The following LRRC4C variants were observed in gnomAD, a reference collection of about 807,000 sequenced individuals.
LRRC4C encodes the protein leucine rich repeat containing 4C, also known as leucine-rich repeat-containing protein 4C.
Under a neutral mutation model 33.6 loss-of-function variants are expected in LRRC4C, and 5 were observed. That is an observed-to-expected ratio of 0.15 (90% CI 0.08 to 0.31). The LOEUF (loss-of-function observed/expected upper bound fraction) is 0.31, where lower values mean the gene tolerates loss of function less well. Ranked by LOEUF, LRRC4C falls within the 10% of genes least tolerant of loss-of-function variation. LRRC4C has a pLI of 1.00. For synonymous variants in LRRC4C, 329 were observed against 302.0 expected, an observed-to-expected ratio of 1.09 and a Z score of -0.93; for missense variants, 560 against 796.7, an observed-to-expected ratio of 0.70 and a Z score of 3.58.
chr11:40,804,465 T>C (rs1386419181), intron 2 of LRRC4C, among the ~76,000 whole-genome samples: 1 of 152,220 alleles, frequency 6.6e-6, no homozygotes, highest in African/African-American at 2.4e-5. Context: ...ATTGAAGTAG[T>C]TTCATAACCA....
chr11:40,976,929 T>A (rs1243869661), intron 1 of LRRC4C, among the ~76,000 whole-genome samples: 1 of 152,088 alleles, frequency 6.6e-6, no homozygotes, highest in East Asian at 1.9e-4. Context: ...CTAATATTAT[T>A]ACATAGTAAT....
intron 4 of LRRC4C, among the ~76,000 whole-genome samples, chr11:40,261,197 T>C (rs1941796735): frequency 6.6e-6 from 1 of 152,158 alleles, no homozygotes. Context: ...CTGAAAACAA[T>C]TCTTTTAAAA....
chr11:40,404,667 A>G (rs1357241361), intron 3 of LRRC4C, among the ~76,000 whole-genome samples: 2 of 151,784 alleles, frequency 1.3e-5, no homozygotes, highest in Non-Finnish European at 2.9e-5. Context: ...CCTCCAATTC[A>G]TCCTTCACTC....
intron 5 of LRRC4C, among the ~76,000 whole-genome samples, chr11:40,194,667 G>A (rs1183926850): frequency 6.6e-6 from 1 of 152,142 alleles, no homozygotes; most frequent in Non-Finnish European, 1.5e-5. Context: ...AATACCTAAT[G>A]TAGATGACAG....
At chr11:40,992,562 A>G (rs1205553616) in intron 1 of LRRC4C, among the ~76,000 whole-genome samples, 1 of 152,060 alleles carries the variant, frequency 6.6e-6, no homozygotes, top group Non-Finnish European at 1.5e-5. Flanking sequence ...TTGGCTGAAT[A>G]TATCCAGTGA....
intron 3 of LRRC4C, among the ~76,000 whole-genome samples, chr11:40,626,655 T>C (rs1185294623): frequency 2.0e-5 from 3 of 152,214 alleles, no homozygotes; most frequent in Admixed American, 6.5e-5. Flanking sequence ...ATCTGGGTCC[T>C]AAAACTTTGT....
At chr11:40,489,756 C>G (rs1467907477) in intron 3 of LRRC4C, among the ~76,000 whole-genome samples, 1 of 152,058 alleles carries the variant, frequency 6.6e-6, no homozygotes, top group Non-Finnish European at 1.5e-5. Context: ...AGGTCAGCTC[C>G]CATTTACTAT....
intron 4 of LRRC4C, among the ~76,000 whole-genome samples, chr11:40,272,031 A>G (rs1189330571): frequency 2.0e-5 from 3 of 152,156 alleles, no homozygotes; most frequent in East Asian, 3.9e-4. Context: ...TGATACATCA[A>G]TCCATATCTG....
chr11:41,115,676 A>T (rs1487083), intron 1 of LRRC4C, among the ~76,000 whole-genome samples: 35,603 of 151,826 alleles, frequency 0.23, 4,444 homozygotes, highest in East Asian at 0.33. Flanking sequence ...GAAATACCTC[A>T]ATGTTTTAGG....
chr11:40,540,931 C>T (rs1227542679), intron 3 of LRRC4C, among the ~76,000 whole-genome samples: 1 of 152,086 alleles, frequency 6.6e-6, no homozygotes, highest in Non-Finnish European at 1.5e-5. Flanking sequence ...CCATTTTAAT[C>T]TGCCCAGGAG....
At chr11:41,010,532 T>G (rs1478065548) in intron 1 of LRRC4C, among the ~76,000 whole-genome samples, 1 of 152,162 alleles carries the variant, frequency 6.6e-6, no homozygotes, top group Non-Finnish European at 1.5e-5. Flanking sequence ...GGAGTTGACT[T>G]GGCAACAAAG....
chr11:41,328,135 A>G (rs1322325053), intron 1 of LRRC4C, among the ~76,000 whole-genome samples: 2 of 152,142 alleles, frequency 1.3e-5, no homozygotes, highest in Non-Finnish European at 2.9e-5. Context: ...AGGTACCCCT[A>G]CTACTCTGCC....
chr11:40,607,848 C>T (rs1452926263), intron 3 of LRRC4C, among the ~76,000 whole-genome samples: 1 of 152,128 alleles, frequency 6.6e-6, no homozygotes, highest in Non-Finnish European at 1.5e-5. Context: ...GCTTTGGGAG[C>T]TGTAAACACT....
At chr11:41,113,936 T>C (rs1941982779) in intron 1 of LRRC4C, among the ~76,000 whole-genome samples, 1 of 152,066 alleles carries the variant, frequency 6.6e-6, no homozygotes, top group African/African-American at 2.4e-5. Flanking sequence ...GAACACAATA[T>C]TTAAACATTA....
At chr11:40,619,917 G>A (rs916570156) in intron 3 of LRRC4C, among the ~76,000 whole-genome samples, 1 of 118,720 alleles carries the variant, frequency 8.4e-6, no homozygotes, top group Non-Finnish European at 2.0e-5. Flanking sequence ...GCACTTTGTT[G>A]GTGGTTATTA....
chr11:40,210,757 A>G (rs1489105391), intron 5 of LRRC4C, among the ~76,000 whole-genome samples: 1 of 152,080 alleles, frequency 6.6e-6, no homozygotes, highest in East Asian at 1.9e-4. Flanking sequence ...TACCTTAACC[A>G]TTTTGTAAAA....
At chr11:41,047,215 A>G (rs1565333114) in intron 1 of LRRC4C, among the ~76,000 whole-genome samples, 1 of 152,158 alleles carries the variant, frequency 6.6e-6, no homozygotes, top group African/African-American at 2.4e-5. Context: ...AAAAAATTTG[A>G]ATAGACATTC....
At chr11:41,029,666 C>T (rs1856593852) in intron 1 of LRRC4C, among the ~76,000 whole-genome samples, 1 of 151,786 alleles carries the variant, frequency 6.6e-6, no homozygotes, top group South Asian at 2.1e-4. Flanking sequence ...TATTAAGTAT[C>T]TACTGTTTGT....
chr11:40,125,515 A>G (rs1334732339), intron 6 of LRRC4C, among the ~76,000 whole-genome samples: 1 of 152,054 alleles, frequency 6.6e-6, no homozygotes, highest in East Asian at 1.9e-4. Flanking sequence ...GGTTACATGC[A>G]GCCAAACCTA....
Sources: allele counts gnomAD v4.1 joint callset (sites outside exome capture counted in the v4.1 genomes callset), GRCh38; gene constraint gnomAD v4.1.1; transcripts MANE v1.5; gene names NCBI Gene and HGNC (gene_info 2026-07-23, HGNC 2026-07-21).